Variants in NBAS observed in about 807,000 individuals in gnomAD.
The protein encoded by NBAS is NAG/BC035112 fusion.
In NBAS, 219 loss-of-function variants were observed where a neutral mutation model predicts 302.5. That is an observed-to-expected ratio of 0.72 (90% confidence interval 0.65 to 0.81). NBAS has a LOEUF of 0.81. NBAS is among the 30% of genes least tolerant of loss of function. NBAS has a pLI of 0.00. For synonymous variants in NBAS, 1,118 were observed against 1,021.6 expected (o/e 1.09, Z -1.80); for missense variants, 2,932 against 2,841.6 (o/e 1.03, Z -0.72).
the NBAS span, among the ~76,000 whole-genome samples, chr2:15,049,383 C>A: frequency 1.3e-5 from 2 of 152,180 alleles, no homozygotes; most frequent in Admixed American, 6.5e-5. Context: ...GGGGCCTTGC[C>A]TTCTGGGCTT....
the NBAS span, among the ~76,000 whole-genome samples, chr2:14,949,135 C>T: frequency 7.2e-5 from 11 of 152,056 alleles, no homozygotes; most frequent in Non-Finnish European, 1.0e-4. Flanking sequence ...AACTACGAAA[C>T]TTCTAGAAAC....
chr2:15,463,351 T>C (rs989882161), intron 19 of NBAS, among the ~76,000 whole-genome samples: 4 of 152,318 alleles, frequency 2.6e-5, no homozygotes, highest in Middle Eastern at 3.4e-3. Flanking sequence ...ACACATCCTG[T>C]CACAAAACCC....
intron 9 of NBAS, among the ~76,000 whole-genome samples, chr2:15,519,489 T>TGGC (rs200656570): frequency 0.62 from 93,451 of 151,704 alleles, 29,642 homozygotes; most frequent in Non-Finnish European, 0.68. Flanking sequence ...CAAGCTGGAG[T>TGGC]GCAATGGTGG....
chr2:15,038,355 C>T, the NBAS span, among the ~76,000 whole-genome samples: 1 of 152,114 alleles, frequency 6.6e-6, no homozygotes, highest in African/African-American at 2.4e-5. Flanking sequence ...TTGTGATTCG[C>T]CTGCCCTGGC....
intron 41 of NBAS, among the ~76,000 whole-genome samples, chr2:15,290,496 G>A (rs1670258978): frequency 6.6e-6 from 1 of 152,198 alleles, no homozygotes; most frequent in African/African-American, 2.4e-5. Context: ...AAATGTAACT[G>A]ATGATATAAG....
rs183581933 is a variant in NBAS, at chr2:15,385,077, G to T, written c.3258-1760C>A. 1.9e-3 allele frequency among the ~76,000 whole-genome samples: 286 copies of T among 152,188 alleles called. 2 individuals are homozygous for T. Among genetic ancestry groups the T allele is most frequent in the African/African-American group, 6.4e-3 (267 of 41,524 alleles). On this transcript the variant is annotated intron_variant, in intron 28 of 51. Transcript: ENST00000281513. The stretch of plus-strand genomic sequence containing the variant: ...TGCATTTAATATTTATTATACAAAA[G>T]AACAATTACTCTTGTTCCACATGCA...
intron 35 of NBAS, among the ~76,000 whole-genome samples, chr2:15,347,291 C>A (rs1383664676): frequency 6.6e-6 from 1 of 152,102 alleles, no homozygotes; most frequent in South Asian, 2.1e-4. Context: ...ACAAACAATG[C>A]AGAAATTCTA....
the NBAS span, among the ~76,000 whole-genome samples, chr2:15,063,706 T>C: frequency 6.6e-6 from 1 of 152,150 alleles, no homozygotes; most frequent in Non-Finnish European, 1.5e-5. Context: ...GCATCGAGAA[T>C]GTGCACACAC....
chr2:15,061,440 C>T, the NBAS span, among the ~76,000 whole-genome samples: 1 of 152,202 alleles, frequency 6.6e-6, no homozygotes, highest in African/African-American at 2.4e-5. Context: ...CACATAGTGA[C>T]TATCTGATAA....
At chr2:14,933,992 T>C in the NBAS span, among the ~76,000 whole-genome samples, 1 of 152,204 alleles carries the variant, frequency 6.6e-6, no homozygotes, top group Non-Finnish European at 1.5e-5. Flanking sequence ...CCATATTGAT[T>C]TCTGAGAGGT....
At chr2:15,218,740 G>T in intron 48 of NBAS, 33 bp downstream of exon 48, 1 of 1,613,208 alleles carries the variant, frequency 6.2e-7, no homozygotes, top group Non-Finnish European at 8.5e-7. Flanking sequence ...ATTATTGTTA[G>T]TAAGAAAAAT....
chr2:15,092,694 C>A, the NBAS span, among the ~76,000 whole-genome samples: 1 of 152,286 alleles, frequency 6.6e-6, no homozygotes, highest in African/African-American at 2.4e-5. Context: ...CCAGTATGTC[C>A]AATTCACGGA....
chr2:15,490,870 C>G (rs1680826458), intron 11 of NBAS, among the ~76,000 whole-genome samples: 1 of 152,118 alleles, frequency 6.6e-6, no homozygotes, highest in Non-Finnish European at 1.5e-5. Flanking sequence ...TTTTGACCAC[C>G]TGAATAATTA....
chr2:15,000,445 A>G, the NBAS span, among the ~76,000 whole-genome samples: 2 of 152,224 alleles, frequency 1.3e-5, no homozygotes, highest in African/African-American at 4.8e-5. Context: ...GCTCCTCAGA[A>G]TGCAGGAACA....
the NBAS span, among the ~76,000 whole-genome samples, chr2:15,085,575 A>C: frequency 6.6e-6 from 1 of 152,092 alleles, no homozygotes; most frequent in Non-Finnish European, 1.5e-5. Flanking sequence ...CCATGGCTGC[A>C]TGCTCCACAG....
intron 21 of NBAS, among the ~76,000 whole-genome samples, chr2:15,433,544 A>G (rs967029758): frequency 1.3e-5 from 2 of 152,200 alleles, no homozygotes; most frequent in Non-Finnish European, 2.9e-5. Context: ...ATACCTAACA[A>G]CTGCGATAAC....
the NBAS span, among the ~76,000 whole-genome samples, chr2:15,116,812 C>G: frequency 1.3e-5 from 2 of 152,140 alleles, no homozygotes; most frequent in Non-Finnish European, 2.9e-5. Context: ...GCAATTAAAA[C>G]AGTGAGCTTT....
chr2:15,182,164 C>T, intron 50 of NBAS, among the ~76,000 whole-genome samples: 1 of 152,328 alleles, frequency 6.6e-6, no homozygotes, highest in Middle Eastern at 3.4e-3. Flanking sequence ...CAGAGCCTCT[C>T]AGGTTGTGCT....
the NBAS span, among the ~76,000 whole-genome samples, chr2:15,010,045 A>G: frequency 6.6e-6 from 1 of 152,186 alleles, no homozygotes; most frequent in Non-Finnish European, 1.5e-5. Flanking sequence ...CCCTAGAGAG[A>G]TGAAAAGATG....
Sources: gnomAD v4.1 joint callset for allele counts (sites outside exome capture counted in the v4.1 genomes callset) on GRCh38, gnomAD v4.1.1 for gene constraint, MANE v1.5 for transcripts, NCBI Gene and HGNC (gene_info 2026-07-23, HGNC 2026-07-21) for gene names.